TPP2: variants seen among roughly 807,000 people sequenced by gnomAD.
The protein encoded by TPP2 is tripeptidyl peptidase 2, also known as tripeptidyl-peptidase 2.
Under a neutral mutation model 155.9 loss-of-function variants are expected in TPP2, and 34 were observed. The observed-to-expected ratio is 0.22, with a 90% confidence interval of 0.17 to 0.29. The LOEUF is 0.29. Ranked by LOEUF, TPP2 falls within the 10% of genes least tolerant of loss-of-function variation. The pLI is 1.00. For missense variants in TPP2, 1,028 were observed against 1,522.3 expected (o/e 0.68, Z 5.40); for synonymous variants, 510 against 529.4 (o/e 0.96, Z 0.50).
At chr13:102,635,519 A>G in intron 11 of TPP2, 68 bp from the exon 12 acceptor site, 4 of 1,114,922 alleles carry the variant, frequency 3.6e-6, no homozygotes, top group South Asian at 2.6e-5. Flanking sequence ...GTGATCGATC[A>G]TACTGGTGGG....
chr13:102,644,506 A>G, intron 17 of TPP2, 51 bp from the exon 18 acceptor site: 1 of 1,439,824 alleles, frequency 6.9e-7, no homozygotes, highest in South Asian at 1.3e-5. Context: ...TATATTCTGT[A>G]ATTTGAGAAA....
At position 102,679,501 on chromosome 13, in the gene TPP2, A is replaced by G. The variant is rs1885499976; in HGVS notation, c.*1185A>G. 6.6e-6 allele frequency: 1 copy of G among 152,208 alleles called. No individual in the cohort carries two copies. The highest frequency in any genetic ancestry group is 2.1e-4 in the South Asian group (1 of 4,838). 9.4% of individuals were successfully genotyped at this position (152,208 alleles called of 1,614,324 possible). A position where few individuals can be genotyped will look rare whatever the true frequency, so the allele number is the denominator to read the frequency against. ...GATTTTTTTATCTTGTTCTCTTAAG[A>G]TTTACTGCTGCTTAAAATTACTACC... On this transcript the variant is annotated 3_prime_UTR_variant, in exon 30 of 30. Coordinates refer to ENST00000376052, the MANE Select transcript of TPP2 (RefSeq NM_001330588.2).
chr13:102,597,648 A>G (rs1879073615), intron 1 of TPP2, among the ~76,000 whole-genome samples: 1 of 152,246 alleles, frequency 6.6e-6, no homozygotes, highest in Non-Finnish European at 1.5e-5. Flanking sequence ...TGACGTTTTT[A>G]AAGAGAATTT....
chr13:102,656,404 CA>C (rs1883860239), intron 24 of TPP2, among the ~76,000 whole-genome samples: 1 of 152,178 alleles, frequency 6.6e-6, no homozygotes, highest in South Asian at 2.1e-4. Context: ...TACACTTGCT[CA>C]TCTGCTCCTT....
rs762003900 is a variant in TPP2, at chr13:102,627,079, G to A, written c.852G>A (p.Gly284=). The change falls in exon 7 of 30, where the codon GGG becomes GGA. Residue 284 remains glycine (G), a synonymous_variant. Coordinates refer to ENST00000376052, the MANE Select transcript of TPP2 (RefSeq NM_001330588.2). ...GHFPEEPERN[G]VAPGAQILSI... is the part of the protein sequence containing the mutation. ...TTCCAGAAGAACCTGAACGGAATGG[G>A]GTAGCTCCTGGTGCTCAAATTCTTT... 1.7e-5 allele frequency: 27 copies of A among 1,599,354 alleles called. No homozygotes were observed. The highest frequency in any genetic ancestry group is 2.7e-5 in the African/African-American group (2 of 73,988).
intron 3 of TPP2, 125 bp downstream of exon 3, chr13:102,614,321 G>T: frequency 2.6e-6 from 2 of 764,646 alleles, no homozygotes; most frequent in Non-Finnish European, 2.0e-6. Context: ...TTGGGTGGTT[G>T]GTGGCTTTCA....
At chr13:102,642,514 T>G (rs1882832178) in intron 16 of TPP2, among the ~76,000 whole-genome samples, 1 of 152,112 alleles carries the variant, frequency 6.6e-6, no homozygotes, top group Non-Finnish European at 1.5e-5. Flanking sequence ...TTCAAATAAT[T>G]AGAAATATTG....
At chr13:102,644,871 G>C (rs1566352535) in intron 18 of TPP2, 38 bp from the exon 19 acceptor site, 6 of 1,603,894 alleles carry the variant, frequency 3.7e-6, no homozygotes, top group Non-Finnish European at 4.3e-6. Flanking sequence ...CTTATTTTTA[G>C]TAAAGTTTGA....
chr13:102,628,623 C>A (rs575481903), intron 8 of TPP2, among the ~76,000 whole-genome samples: 4 of 152,216 alleles, frequency 2.6e-5, no homozygotes, highest in Admixed American at 2.6e-4. Context: ...ATGTTACCTT[C>A]CTTTTTTTCT....
intron 7 of TPP2, 72 bp downstream of exon 7, chr13:102,627,238 G>C: frequency 7.0e-7 from 1 of 1,426,732 alleles, no homozygotes; most frequent in South Asian, 1.8e-5. Context: ...GTTTATAAGT[G>C]CTCCTAGTTT....
chr13:102,634,234 T>A lies in TPP2; in HGVS notation c.1393+136T>A, dbSNP rs140511405. On this transcript the variant is annotated intron_variant, in intron 11 of 29. Transcript: ENST00000376052. ...AGAGTTTAAGGTAACGAATAACTTATGTGATAATGATAATTTGAATGTGTG... is the reference window on the plus strand; with the variant it reads ...AGAGTTTAAGGTAACGAATAACTTAAGTGATAATGATAATTTGAATGTGTG... 6.5e-4 allele frequency: 771 copies of A among 1,185,248 alleles called. 4 individuals carry two copies. In the African/African-American group the frequency reaches 0.01, roughly 16 times the overall value. 73.4% of individuals were successfully genotyped at this position (1,185,248 alleles called of 1,614,324 possible).
At chr13:102,676,545 C>T (rs1328448470) in intron 29 of TPP2, 130 bp downstream of exon 29, 9 of 1,087,722 alleles carry the variant, frequency 8.3e-6, no homozygotes, top group East Asian at 2.7e-5. Context: ...CAGTAATTAG[C>T]GTAATATGAA....
At chr13:102,647,070 A>T in intron 20 of TPP2, 137 bp from the exon 21 acceptor site, 2 of 1,116,792 alleles carry the variant, frequency 1.8e-6, no homozygotes, top group Non-Finnish European at 2.4e-6. Context: ...TGTGTGTTCT[A>T]TATTTTCAAA....
Position 102,636,208 on chromosome 13 carries a change from A to G in TPP2, c.1510-16A>G, listed in dbSNP as rs780907186. The G allele has an allele frequency of 2.5e-6, 4 of 1,590,434 alleles. No individual in the cohort carries two copies. The highest frequency in any genetic ancestry group is 3.7e-5 in the Admixed American group (2 of 54,792). On this transcript the variant is annotated splice_polypyrimidine_tract_variant and intron_variant, in intron 12 of 29. Coordinates refer to ENST00000376052, the MANE Select transcript of TPP2 (RefSeq NM_001330588.2). The stretch of plus-strand genomic sequence containing the variant: ...CCCAACCATTTATATCTTACCATGT[A>G]TATTATTTTCACTAGGTTGATAAAG...
At chr13:102,657,319 G>A in intron 25 of TPP2, 112 bp downstream of exon 25, 1 of 790,314 alleles carries the variant, frequency 1.3e-6, no homozygotes, top group East Asian at 3.7e-5. Context: ...ACAGCAGTTG[G>A]TAGGATTATA....
chr13:102,648,848 G>A (rs1883315933), intron 21 of TPP2, 59 bp from the exon 22 acceptor site: 3 of 1,527,496 alleles, frequency 2.0e-6, no homozygotes, highest in African/African-American at 1.4e-5. Context: ...TCCTCTTTCA[G>A]TGATTTCCGT....
intron 25 of TPP2, among the ~76,000 whole-genome samples, chr13:102,658,797 C>T (rs956953638): frequency 1.3e-5 from 2 of 152,134 alleles, no homozygotes; most frequent in African/African-American, 2.4e-5. Flanking sequence ...AGGAGGAGGA[C>T]GTCATCATTT....
intron 27 of TPP2, among the ~76,000 whole-genome samples, chr13:102,672,504 G>A (rs1487750826): frequency 2.6e-5 from 4 of 152,062 alleles, no homozygotes; most frequent in Admixed American, 6.6e-5. Flanking sequence ...AAAACCTCGC[G>A]GCCTTCCAAG....
At chr13:102,608,324 G>T (rs1016415788) in intron 2 of TPP2, among the ~76,000 whole-genome samples, 1 of 151,548 alleles carries the variant, frequency 6.6e-6, no homozygotes, top group Non-Finnish European at 1.5e-5. Flanking sequence ...TTTACTTGTA[G>T]AATTAATATG....
Sources: gnomAD v4.1 joint callset for allele counts (sites outside exome capture counted in the v4.1 genomes callset) on GRCh38, gnomAD v4.1.1 for gene constraint, MANE v1.5 for transcripts, NCBI Gene and HGNC (gene_info 2026-07-23, HGNC 2026-07-21) for gene names.